BCLAF3: variants seen among roughly 807,000 people sequenced by gnomAD.
BCLAF3 encodes transient octamer binding factor 1.
Under a neutral mutation model 51.2 loss-of-function variants are expected in BCLAF3, and 24 were observed. The observed-to-expected ratio is 0.47, with a 90% CI of 0.34 to 0.66. The LOEUF is 0.66. Ranked by LOEUF, BCLAF3 falls within the 30% of genes least tolerant of loss-of-function variation. BCLAF3 has a pLI of 0.01. For synonymous variants in BCLAF3, 152 were observed against 176.6 expected (o/e 0.86, Z 1.10); for missense variants, 465 against 525.1 (o/e 0.89, Z 1.12).
chrX:19,989,884 A>T (rs186709032), intron 1 of BCLAF3, among the ~76,000 whole-genome samples: 1 of 111,494 alleles, frequency 9.0e-6, no homozygotes, highest in African/African-American at 3.2e-5. Context: ...GGGGTGACTG[A>T]AACAGCTGTG....
chrX:19,972,512 C>T (rs1350889324), intron 1 of BCLAF3, among the ~76,000 whole-genome samples: 1 of 112,099 alleles, frequency 8.9e-6, no homozygotes, highest in Non-Finnish European at 1.9e-5. Flanking sequence ...ATTGAATTCA[C>T]ATGCCATATA....
chrX:19,920,348 G>A (rs1569498603), intron 11 of BCLAF3, among the ~76,000 whole-genome samples: 1 of 111,305 alleles, frequency 9.0e-6, no homozygotes, highest in African/African-American at 3.3e-5. Flanking sequence ...ATGCTAAGTC[G>A]TCTGAGTCCT....
In BCLAF3 at chrX:19,939,080, C is replaced by A. The variant is rs190440869; in HGVS notation, c.1746-1548G>T. On this transcript the variant is annotated intron_variant, in intron 8 of 11. Transcript: ENST00000379682. ...GGGGTTTTTTAAATGTTAAAAAGGC[C>A]TATGCTTTGTCAAAATGCTCACGAC... is the stretch of plus-strand genomic sequence containing the variant. Among the ~76,000 whole-genome samples, 24 of 111,535 alleles carry A rather than the reference C, an allele frequency of 2.2e-4. 1 individual carries two copies. The highest frequency in any genetic ancestry group is 2.0e-3 in the East Asian group (7 of 3,562).
chrX:19,954,288 A>G, intron 5 of BCLAF3: 3 of 564,413 alleles, frequency 5.3e-6, no homozygotes, highest in Non-Finnish European at 6.4e-6. Flanking sequence ...CTGAAACATC[A>G]AAACAATTTC....
intron 8 of BCLAF3, among the ~76,000 whole-genome samples, chrX:19,949,237 C>A (rs1452965758): frequency 9.0e-6 from 1 of 111,510 alleles, no homozygotes; most frequent in East Asian, 2.8e-4. Context: ...TTAATCTTAA[C>A]CACCACTGTG....
At chrX:19,935,782 A>C (rs777146211) in intron 10 of BCLAF3, 27 bp downstream of exon 10, 48 of 1,125,834 alleles carry the variant, frequency 4.3e-5, no homozygotes, top group Non-Finnish European at 5.9e-5. Context: ...CCAAAGCTGG[A>C]ATTAAATGGA....
At chrX:19,972,437 G>C (rs1417369382) in intron 1 of BCLAF3, among the ~76,000 whole-genome samples, 2 of 111,781 alleles carry the variant, frequency 1.8e-5, no homozygotes, top group African/African-American at 3.3e-5. Flanking sequence ...ATGATAATGA[G>C]AAAGGAAAAT....
At position 19,938,232 on chromosome X, in the gene BCLAF3, C is replaced by T. The variant is rs1291404364; in HGVS notation, c.1746-700G>A. ...ATCTCTCTACAATGCTTCTCAGCCC[C>T]TTCCTGTGTCTTCTGCAGGCCCACC... On this transcript the variant is annotated intron_variant, in intron 8 of 11. Transcript: ENST00000379682. Among the ~76,000 whole-genome samples the T allele has an allele frequency of 3.6e-5, 4 of 110,731 alleles. No individual in the cohort carries two copies. The Admixed American group carries it at 3.9e-4, about 11-fold the overall frequency.
chrX:19,953,952 C>T, intron 5 of BCLAF3, 60 bp from the exon 6 acceptor site: 9 of 1,146,710 alleles, frequency 7.8e-6, no homozygotes, highest in Non-Finnish European at 1.0e-5. Flanking sequence ...TAAAAGATTA[C>T]ATATAAGCAC....
chrX:19,982,164 T>A (rs111491496), intron 1 of BCLAF3, among the ~76,000 whole-genome samples: 1,614 of 111,605 alleles, frequency 0.014, 29 homozygotes, highest in African/African-American at 0.05. Context: ...AGCCTCAGGC[T>A]GGGCGTGGTG....
chrX:19,930,811 G>C (rs1485359384), intron 10 of BCLAF3, among the ~76,000 whole-genome samples: 2 of 111,918 alleles, frequency 1.8e-5, no homozygotes, highest in Non-Finnish European at 3.8e-5. Context: ...TTCAAGACCA[G>C]CCTGGGCAAC....
intron 1 of BCLAF3, among the ~76,000 whole-genome samples, chrX:19,989,697 AACC>A (rs2072892241): frequency 9.0e-6 from 1 of 111,558 alleles, no homozygotes; most frequent in East Asian, 2.8e-4. Flanking sequence ...GGAGGTGTAT[AACC>A]ACATTCACAA....
intron 1 of BCLAF3, among the ~76,000 whole-genome samples, chrX:19,975,141 G>C (rs1262841226): frequency 9.1e-6 from 1 of 110,128 alleles, no homozygotes; most frequent in Non-Finnish European, 1.9e-5. Context: ...GTGGGCATCA[G>C]CTGATAACGA....
chrX:19,952,994 C>T lies in BCLAF3; in HGVS notation c.1623G>A (p.Ser541=), dbSNP rs74414049. 1,682 of 1,203,236 alleles carry T rather than the reference C, an allele frequency of 1.4e-3. 18 individuals carry two copies. In the East Asian group the frequency reaches 0.035, roughly 25 times the overall value. Residue 541 remains serine (S), a synonymous_variant, in exon 7 of 12, where the codon TCG becomes TCA. Transcript: ENST00000379682. ...LQSKQAVIYE[S]EQTLIKIIDP... The stretch of plus-strand genomic sequence containing the variant: ...AAAAATTGTATTCACTAACCTGTTC[C>T]GATTCATAGATCACAGCTTGTTTAC...
intron 1 of BCLAF3, among the ~76,000 whole-genome samples, chrX:19,983,897 C>T (rs769538286): frequency 9.3e-6 from 1 of 107,237 alleles, no homozygotes; most frequent in Non-Finnish European, 1.9e-5. Flanking sequence ...CGTGAAACCC[C>T]GTCTCCGCTA....
chrX:19,971,208 A>C (rs1418944921), intron 1 of BCLAF3, among the ~76,000 whole-genome samples: 1 of 111,773 alleles, frequency 8.9e-6, no homozygotes, highest in Non-Finnish European at 1.9e-5. Context: ...TCGACCTCCC[A>C]GGTAGCTGGG....
intron 4 of BCLAF3, among the ~76,000 whole-genome samples, chrX:19,964,342 A>C (rs1030985085): frequency 8.9e-6 from 1 of 112,151 alleles, no homozygotes; most frequent in Non-Finnish European, 1.9e-5. Flanking sequence ...TTTTAAGAGA[A>C]TATAACCTAC....
intron 2 of BCLAF3, among the ~76,000 whole-genome samples, chrX:19,967,604 A>G: frequency 9.0e-6 from 1 of 111,565 alleles, no homozygotes; most frequent in Non-Finnish European, 1.9e-5. Flanking sequence ...TCTGGGACAC[A>G]ATAAAGTTCC....
intron 1 of BCLAF3, among the ~76,000 whole-genome samples, chrX:19,986,126 AATGAGGGC>A (rs756296879): frequency 8.9e-6 from 1 of 111,991 alleles, no homozygotes; most frequent in East Asian, 2.8e-4. Flanking sequence ...AGAAACACAA[AATGAGGGC>A]ATGGAGGAAA....
Sources: gnomAD v4.1 joint callset for allele counts (sites outside exome capture counted in the v4.1 genomes callset) on GRCh38, gnomAD v4.1.1 for gene constraint, MANE v1.5 for transcripts, NCBI Gene and HGNC (gene_info 2026-07-23, HGNC 2026-07-21) for gene names.